CALHM3: variants seen among roughly 807,000 people sequenced by gnomAD.
The protein encoded by CALHM3 is calcium homeostasis modulator protein 3.
Under a neutral mutation model 13.6 loss-of-function variants are expected in CALHM3, and 9 were observed. That is an observed-to-expected ratio of 0.66 (90% CI 0.40 to 1.15). The LOEUF is 1.15. Ranked by LOEUF, CALHM3 falls within the 50% of genes most tolerant of loss-of-function variation. The pLI, the probability that CALHM3 is intolerant of heterozygous loss-of-function variation, is 0.01. For synonymous variants in CALHM3, 231 were observed against 213.2 expected (o/e 1.08, Z -0.73); for missense variants, 497 against 463.4 (o/e 1.07, Z -0.67).
rs1190008617 is a variant in CALHM3 at position 103,473,165 on chromosome 10, C to A, written c.*48G>T. The stretch of plus-strand genomic sequence containing the variant: ...TGGAAAGACTCCAGAACTTTGTCAG[C>A]GCGGCATTTCACCTGCGAACACTGC... On this transcript the variant is annotated 3_prime_UTR_variant, in exon 3 of 3. Transcript: ENST00000369783. 7.7e-7 allele frequency: 1 copy of A among 1,302,132 alleles called. No individual in the cohort carries two copies. The highest frequency in any genetic ancestry group is 9.8e-7 in the Non-Finnish European group (1 of 1,020,470). The allele number at this position is 1,302,132 out of a possible 1,614,324, so 80.7% of individuals were successfully genotyped here.
chr10:103,478,889 A>G lies in CALHM3; in HGVS notation c.144T>C (p.Asn48=). 6.4e-7 allele frequency: 1 copy of G among 1,551,734 alleles called. No homozygotes were observed. ...GCAGCAGGCCCAGGCCGTAGAGTGC[A>G]TTGTAGTGCACCAGGCAGGGACAGT... ...DFNCPCLVHY[N]ALYGLGLLLT... The change falls in exon 1 of 3, where the codon AAT becomes AAC. Residue 48 remains asparagine, a synonymous_variant. Transcript: ENST00000369783.
intron 2 of CALHM3, among the ~76,000 whole-genome samples, chr10:103,474,959 G>T (rs2033372852): frequency 6.6e-6 from 1 of 152,212 alleles, no homozygotes; most frequent in Non-Finnish European, 1.5e-5. Context: ...CATAGAGAGG[G>T]AGTCCAGAGG....
chr10:103,473,850 A>C, intron 2 of CALHM3, 146 bp from the exon 3 acceptor site: 1 of 1,090,910 alleles, frequency 9.2e-7, no homozygotes, highest in Non-Finnish European at 1.3e-6. Flanking sequence ...GGATTCAAAT[A>C]CTCCTTAGAG....
intron 2 of CALHM3, among the ~76,000 whole-genome samples, chr10:103,475,834 G>A (rs1014900073): frequency 1.3e-5 from 2 of 152,190 alleles, no homozygotes; most frequent in Non-Finnish European, 2.9e-5. Context: ...AGATAATAGA[G>A]TTGGTGCCTT....
chr10:103,479,167 G>A lies in CALHM3; in HGVS notation c.-135C>T. On this transcript the variant is annotated 5_prime_UTR_variant, in exon 1 of 3. Coordinates refer to ENST00000369783, the MANE Select transcript of CALHM3 (RefSeq NM_001129742.2). ...CTCTCTGCTTCCAAGGGCCTGAGGGGCCAAGGAGGAAGCAGTGCCCAGGCC... is the reference window on the plus strand; with the variant it reads ...CTCTCTGCTTCCAAGGGCCTGAGGGACCAAGGAGGAAGCAGTGCCCAGGCC... The A allele has an allele frequency of 2.9e-6, 3 of 1,052,510 alleles. No individual in the cohort carries two copies. Among genetic ancestry groups the A allele is most frequent in the Non-Finnish European group, 2.7e-6 (2 of 748,316 alleles). The allele number at this position is 1,052,510 out of a possible 1,614,324, so 65.2% of individuals were successfully genotyped here. A position where few individuals can be genotyped will look rare whatever the true frequency, so the allele number is the denominator to read the frequency against.
Position 103,478,995 on chromosome 10 carries a change from G to T in CALHM3, c.38C>A (p.Ser13Ter). 1 of 1,551,588 alleles carries T rather than the reference G, an allele frequency of 6.4e-7. No individual in the cohort carries two copies. Among genetic ancestry groups the T allele is most frequent in the South Asian group, 1.2e-5 (1 of 84,050 alleles). Reference protein sequence around the residue: ...KFRMLFQHFQSSSESVMNGIC... With the variant: ...KFRMLFQHFQ ...GCCATTCATCACCGACTCCGAGCTT[G>T]ACTGGAAGTGCTGGAAGAGCATGCG... is the stretch of plus-strand genomic sequence containing the variant. The change falls in exon 1 of 3, where the codon TCA becomes TAA. Residue 13 changes from serine (S) to a stop codon, truncating the protein, a stop_gained. Transcript: ENST00000369783. LOFTEE classifies it high-confidence loss of function.
chr10:103,474,467 A>ATAT (rs1378514109), intron 2 of CALHM3, among the ~76,000 whole-genome samples: 1 of 82,734 alleles, frequency 1.2e-5, no homozygotes, highest in Non-Finnish European at 2.7e-5. Flanking sequence ...ATTTATTTAT[A>ATAT]TTTTTTGAGA....
chr10:103,476,864 T>C (rs1822561287), intron 1 of CALHM3, among the ~76,000 whole-genome samples: 1 of 152,190 alleles, frequency 6.6e-6, no homozygotes, highest in Admixed American at 6.5e-5. Flanking sequence ...GAGGGCCTCC[T>C]ACCTCAAGCA....
At chr10:103,474,063 T>TA (rs2033361349) in intron 2 of CALHM3, among the ~76,000 whole-genome samples, 1 of 152,236 alleles carries the variant, frequency 6.6e-6, no homozygotes, top group African/African-American at 2.4e-5. Flanking sequence ...AATTGTCCTG[T>TA]ATAGTGTGGC....
rs560733152 is a variant in CALHM3 at position 103,478,741 on chromosome 10, C to T, written c.287+5G>A. Reference sequence around the variant, plus strand: ...CATGGGTCACTGAGTGGTGTGGGACCGCACCTGATGATGCCTGGGTCCTTC... The same window carrying T: ...CATGGGTCACTGAGTGGTGTGGGACTGCACCTGATGATGCCTGGGTCCTTC... On this transcript the variant is annotated splice_donor_5th_base_variant and intron_variant, in intron 1 of 2. Coordinates refer to ENST00000369783, the MANE Select transcript of CALHM3 (RefSeq NM_001129742.2). 19 of 1,516,068 alleles carry T rather than the reference C, an allele frequency of 1.3e-5. No individual in the cohort carries two copies. Among genetic ancestry groups the T allele is most frequent in the Admixed American group, 1.2e-4 (6 of 49,356 alleles). The allele number at this position is 1,516,068 out of a possible 1,614,324, so 93.9% of individuals were successfully genotyped here.
chr10:103,474,406 T>TCCCC (rs1309778836), intron 2 of CALHM3, among the ~76,000 whole-genome samples: 1 of 123,242 alleles, frequency 8.1e-6, no homozygotes, highest in African/African-American at 2.6e-5. Context: ...TATCTACTCA[T>TCCCC]CCACCCCCCC....
chr10:103,478,347 A>G (rs747780915), intron 1 of CALHM3, among the ~76,000 whole-genome samples: 7 of 152,162 alleles, frequency 4.6e-5, no homozygotes, highest in Non-Finnish European at 1.0e-4. Context: ...TAATCAAATA[A>G]ATTTGTATGC....
chr10:103,475,871 C>G (rs184522667), intron 2 of CALHM3, among the ~76,000 whole-genome samples: 3 of 152,132 alleles, frequency 2.0e-5, no homozygotes, highest in Non-Finnish European at 4.4e-5. Flanking sequence ...CTGGAGAGAG[C>G]CTGCATTGTT....
chr10:103,477,129 G>A (rs1010259511), intron 1 of CALHM3, among the ~76,000 whole-genome samples: 3 of 152,142 alleles, frequency 2.0e-5, no homozygotes, highest in Non-Finnish European at 4.4e-5. Flanking sequence ...GCCTGCTTTT[G>A]GAGGAGAGCC....
At chr10:103,475,227 A>T (rs902393902) in intron 2 of CALHM3, among the ~76,000 whole-genome samples, 2 of 152,336 alleles carry the variant, frequency 1.3e-5, no homozygotes, top group Admixed American at 1.3e-4. Context: ...CCACAGGGAC[A>T]TATTTGAATC....
Position 103,472,827 on chromosome 10 carries a change from A to C in CALHM3, c.*386T>G. ...ACTATCGAGGCAGCAGACTAAGGTC[A>C]TTATTATTATTTAGAATTGACATCT... On this transcript the variant is annotated 3_prime_UTR_variant, in exon 3 of 3. Transcript: ENST00000369783. The C allele has an allele frequency of 5.3e-6, 1 of 188,550 alleles. No homozygotes were observed. 11.7% of individuals were successfully genotyped at this position (188,550 alleles called of 1,614,324 possible). A position where few individuals can be genotyped will look rare whatever the true frequency, so the allele number is the denominator to read the frequency against.
chr10:103,473,376 G>A lies in CALHM3; in HGVS notation c.872C>T (p.Ala291Val), dbSNP rs905174693. ...DSGSGKAHLR[A>V]ISSREQVDRL... ...GTCCACCTGCTCCCGGCTGGAGATT[G>A]CGCGCAGGTGGGCCTTCCCACTTCC... is the stretch of plus-strand genomic sequence containing the variant. Residue 291 changes from alanine (A) to valine (V), a missense_variant, in exon 3 of 3, where the codon GCA becomes GTA. Physicochemically the swap from Ala to Val is moderately conservative, Grantham distance 64 (BLOSUM62 0). Transcript: ENST00000369783. 9.4e-6 allele frequency: 14 copies of A among 1,496,826 alleles called. 1 individual carries two copies. The South Asian group carries it at 1.7e-4, about 18-fold the overall frequency. The allele number at this position is 1,496,826 out of a possible 1,614,324, so 92.7% of individuals were successfully genotyped here. A position where few individuals can be genotyped will look rare whatever the true frequency, so the allele number is the denominator to read the frequency against.
rs777895058 is a variant in CALHM3, at chr10:103,473,166, G to A, written c.*47C>T. The A allele has an allele frequency of 4.6e-6, 6 of 1,300,450 alleles. No homozygotes were observed. The highest frequency in any genetic ancestry group is 4.9e-6 in the Non-Finnish European group (5 of 1,019,418). The allele number at this position is 1,300,450 out of a possible 1,614,324, so 80.6% of individuals were successfully genotyped here. A position where few individuals can be genotyped will look rare whatever the true frequency, so the allele number is the denominator to read the frequency against. On this transcript the variant is annotated 3_prime_UTR_variant, in exon 3 of 3. Transcript: ENST00000369783. ...GGAAAGACTCCAGAACTTTGTCAGCGCGGCATTTCACCTGCGAACACTGCC... is the reference window on the plus strand; with the variant it reads ...GGAAAGACTCCAGAACTTTGTCAGCACGGCATTTCACCTGCGAACACTGCC...
chr10:103,475,988 C>T (rs1259301018), intron 2 of CALHM3, among the ~76,000 whole-genome samples: 1 of 152,222 alleles, frequency 6.6e-6, no homozygotes, highest in Admixed American at 6.5e-5. Context: ...CCTGCTTCCT[C>T]ACCTGGAGAA....
Sources: allele counts gnomAD v4.1 joint callset (sites outside exome capture counted in the v4.1 genomes callset), GRCh38; gene constraint gnomAD v4.1.1; transcripts MANE v1.5; gene names NCBI Gene and HGNC (gene_info 2026-07-23, HGNC 2026-07-21).